XRN1: variants seen among roughly 807,000 people sequenced by gnomAD.
XRN1 encodes the protein strand-exchange protein 1 homolog.
XRN1 carries 67 observed loss-of-function variants against 222.3 expected under a neutral mutation model. The ratio of observed to expected loss-of-function variants is 0.30; its 90% CI spans 0.25 to 0.37. The LOEUF is 0.37. XRN1 is among the 10% of genes least tolerant of loss of function. The probability of loss-of-function intolerance (pLI) is 1.00; values close to 1 mark genes in which losing one functional copy is unlikely to be tolerated. For missense variants in XRN1, 1,707 were observed against 2,000.2 expected (o/e 0.85, Z 2.80); for synonymous variants, 643 against 652.4 (o/e 0.99, Z 0.22).
chr3:142,338,532 C>G (rs2065907148), intron 33 of XRN1, among the ~76,000 whole-genome samples: 2 of 152,154 alleles, frequency 1.3e-5, no homozygotes, highest in South Asian at 4.1e-4. Context: ...ACATGCCCAG[C>G]TGTGGTGATT....
intron 23 of XRN1, 32 bp downstream of exon 23, chr3:142,380,050 C>T (rs772258641): frequency 1.3e-6 from 2 of 1,548,182 alleles, no homozygotes; most frequent in Non-Finnish European, 1.8e-6. Context: ...TTTATCAATT[C>T]TAAATGAAAC....
intron 20 of XRN1, 63 bp from the exon 21 acceptor site, chr3:142,384,748 A>G: frequency 1.6e-6 from 2 of 1,265,238 alleles, no homozygotes; most frequent in Non-Finnish European, 2.1e-6. Flanking sequence ...CTAGGACGAT[A>G]ATCGTCAACT....
intron 29 of XRN1, 125 bp from the exon 30 acceptor site, chr3:142,360,056 A>G: frequency 1.9e-6 from 1 of 535,906 alleles, no homozygotes; most frequent in South Asian, 3.1e-5. Context: ...AATATTCAGG[A>G]TATGAACAAT....
chr3:142,343,033 T>C (rs2066040345), intron 33 of XRN1, among the ~76,000 whole-genome samples: 1 of 152,110 alleles, frequency 6.6e-6, no homozygotes, highest in South Asian at 2.1e-4. Flanking sequence ...TCTGACAAGA[T>C]GGATAATAAC....
chr3:142,419,885 T>C (rs1440750580), intron 10 of XRN1, among the ~76,000 whole-genome samples: 1 of 152,188 alleles, frequency 6.6e-6, no homozygotes, highest in Non-Finnish European at 1.5e-5. Flanking sequence ...AGGTTTACTT[T>C]TCAAGTTAAC....
At chr3:142,375,989 C>A in intron 24 of XRN1, 45 bp from the exon 25 acceptor site, 1 of 1,524,622 alleles carries the variant, frequency 6.6e-7, no homozygotes, top group East Asian at 2.4e-5. Context: ...CACACACACA[C>A]ACACACACAC....
intron 2 of XRN1, among the ~76,000 whole-genome samples, chr3:142,431,858 A>T (rs1201869048): frequency 5.7e-5 from 2 of 34,894 alleles, no homozygotes; most frequent in African/African-American, 4.6e-4. Context: ...TATATATATT[A>T]TATATAATAT....
intron 22 of XRN1, among the ~76,000 whole-genome samples, chr3:142,381,863 GC>G (rs1046052138): frequency 2.6e-5 from 4 of 152,010 alleles, no homozygotes; most frequent in African/African-American, 9.7e-5. Flanking sequence ...ACCATACCCA[GC>G]CAACATTGAC....
At chr3:142,418,171 G>A (rs1187165063) in intron 12 of XRN1, 1 of 221,216 alleles carries the variant, frequency 4.5e-6, no homozygotes, top group Admixed American at 5.7e-5. Flanking sequence ...GACAGAGATG[G>A]TGACTGTAAT....
At chr3:142,386,365 T>C (rs2067500269) in intron 20 of XRN1, among the ~76,000 whole-genome samples, 1 of 152,026 alleles carries the variant, frequency 6.6e-6, no homozygotes, top group African/African-American at 2.4e-5. Flanking sequence ...AATTTAGGGG[T>C]AGATTAATAT....
At chr3:142,371,436 G>GGTCTAGGAGTACTCTGACTTACCAGTCTT in intron 25 of XRN1, 108 bp from the exon 26 acceptor site, 1 of 771,042 alleles carries the variant, frequency 1.3e-6, no homozygotes, top group Non-Finnish European at 2.1e-6. Context: ...GCTTATTGAG[G>GGTCTAGGAGTACTCTGACTTACCAGTCTT]ACTACTATAA....
intron 20 of XRN1, among the ~76,000 whole-genome samples, chr3:142,390,432 C>T (rs182557917): frequency 2.0e-4 from 31 of 152,336 alleles, no homozygotes; most frequent in Admixed American, 7.8e-4. Flanking sequence ...CTTCAGCTCA[C>T]ACTTTATATT....
chr3:142,323,908 A>C (rs1355235194), intron 37 of XRN1, among the ~76,000 whole-genome samples: 1 of 152,088 alleles, frequency 6.6e-6, no homozygotes, highest in East Asian at 1.9e-4. Context: ...TAATAATTAT[A>C]ACACACATTT....
chr3:142,371,235 T>A lies in XRN1; in HGVS notation c.3068+4A>T. On this transcript the variant is annotated splice_donor_region_variant and intron_variant, in intron 26 of 40. Coordinates refer to ENST00000392981, the MANE Select transcript of XRN1 (RefSeq NM_001282857.2). ...AGGTAATAAATATCATAAATCTTGC[T>A]TACCCATTCTCATTTTCTCCAGGCC... The A allele has an allele frequency of 3.7e-6, 6 of 1,610,950 alleles. No homozygotes were observed. The highest frequency in any genetic ancestry group is 5.1e-6 in the Non-Finnish European group (6 of 1,178,104).
intron 20 of XRN1, among the ~76,000 whole-genome samples, chr3:142,388,618 C>T (rs1041346119): frequency 2.0e-5 from 3 of 152,022 alleles, no homozygotes; most frequent in African/African-American, 7.2e-5. Context: ...GGGCAGTGGC[C>T]GATGAAGGTT....
At chr3:142,372,607 A>G (rs541264337) in intron 25 of XRN1, among the ~76,000 whole-genome samples, 1 of 152,316 alleles carries the variant, frequency 6.6e-6, no homozygotes, top group African/African-American at 2.4e-5. Context: ...AAGGGAAAGT[A>G]ACCTTAGTTG....
At position 142,357,138 on chromosome 3, in the gene XRN1, T is replaced by C. The variant is rs769842971; in HGVS notation, c.3465-19A>G. 1.3e-5 allele frequency: 20 copies of C among 1,584,824 alleles called. No individual in the cohort carries two copies. The highest frequency in any genetic ancestry group is 1.7e-5 in the Non-Finnish European group (20 of 1,163,914). On this transcript the variant is annotated intron_variant, in intron 30 of 40. Coordinates refer to ENST00000392981, the MANE Select transcript of XRN1 (RefSeq NM_001282857.2). ...TGAGCATCTAAAAGTAAAAGTTATA[T>C]CAGGGTTGGAAGGAAAACAATACTA... is the stretch of plus-strand genomic sequence containing the variant.
chr3:142,343,755 TC>T (rs1400319229), intron 33 of XRN1, among the ~76,000 whole-genome samples: 1 of 152,008 alleles, frequency 6.6e-6, no homozygotes, highest in African/African-American at 2.4e-5. Flanking sequence ...AGAAAGGAAA[TC>T]AATATATTGC....
intron 28 of XRN1, 57 bp downstream of exon 28, chr3:142,365,253 C>G: frequency 6.3e-7 from 1 of 1,578,092 alleles, no homozygotes; most frequent in Non-Finnish European, 8.6e-7. Flanking sequence ...CATCTTTGCT[C>G]CTTCCATGCA....
Sources: gnomAD v4.1 joint callset for allele counts (sites outside exome capture counted in the v4.1 genomes callset) on GRCh38, gnomAD v4.1.1 for gene constraint, MANE v1.5 for transcripts, NCBI Gene and HGNC (gene_info 2026-07-23, HGNC 2026-07-21) for gene names.